PCDH15: variants seen among roughly 807,000 people sequenced by gnomAD.
The protein encoded by PCDH15 is protocadherin related 15.
In PCDH15, 129 loss-of-function variants were observed where a neutral mutation model predicts 178.5. The ratio of observed to expected loss-of-function variants is 0.72; its 90% CI spans 0.63 to 0.84. The LOEUF is 0.84. Among genes scored for constraint, PCDH15 ranks in the 40% least tolerant of loss-of-function variants. The probability of loss-of-function intolerance (pLI) is 0.00; values close to 1 mark genes in which losing one functional copy is unlikely to be tolerated. For synonymous variants in PCDH15, 800 were observed against 732.0 expected, an observed-to-expected ratio of 1.09 and a Z score of -1.50; for missense variants, 2,230 against 2,099.9, an observed-to-expected ratio of 1.06 and a Z score of -1.21.
At chr10:54,768,642 A>C (rs1173075879) in intron 1 of PCDH15, among the ~76,000 whole-genome samples, 2 of 152,158 alleles carry the variant, frequency 1.3e-5, no homozygotes, top group African/African-American at 4.8e-5. Flanking sequence ...AATAATTGGA[A>C]TCTGACTCTT....
At chr10:54,062,527 C>T (rs979285586) in intron 18 of PCDH15, among the ~76,000 whole-genome samples, 4 of 152,168 alleles carry the variant, frequency 2.6e-5, no homozygotes, top group African/African-American at 7.2e-5. Context: ...ATCCTATAAA[C>T]ATTACACTGT....
intron 13 of PCDH15, among the ~76,000 whole-genome samples, chr10:54,181,827 T>C (rs2048010152): frequency 6.6e-6 from 1 of 152,206 alleles, no homozygotes; most frequent in Non-Finnish European, 1.5e-5. Flanking sequence ...AACATTCCGG[T>C]GAATTCCCAG....
chr10:54,641,052 C>A, intron 2 of PCDH15: 1 of 262,434 alleles, frequency 3.8e-6, no homozygotes, highest in Non-Finnish European at 7.7e-6. Flanking sequence ...TGTGGTAAGC[C>A]GAGATGGTGC....
intron 2 of PCDH15, among the ~76,000 whole-genome samples, chr10:54,552,085 A>G (rs2086680109): frequency 6.6e-6 from 1 of 152,096 alleles, no homozygotes; most frequent in African/African-American, 2.4e-5. Context: ...CACACCTATA[A>G]TTATCTCTCC....
chr10:54,690,191 G>A (rs1181910914), intron 1 of PCDH15, among the ~76,000 whole-genome samples: 1 of 152,066 alleles, frequency 6.6e-6, no homozygotes, highest in East Asian at 1.9e-4. Flanking sequence ...GGTAATGCTG[G>A]TGTTAACCTA....
chr10:53,834,344 T>C (rs1004504147), intron 29 of PCDH15, among the ~76,000 whole-genome samples: 1 of 152,146 alleles, frequency 6.6e-6, no homozygotes, highest in African/African-American at 2.4e-5. Context: ...ATGGTTTCTG[T>C]AGGAGAAAAT....
In PCDH15 at chr10:54,498,850, G is replaced by A. The variant is rs957638580; in HGVS notation, c.157+28962C>T. 2.0e-5 allele frequency among the ~76,000 whole-genome samples: 3 copies of A among 152,124 alleles called. No homozygotes were observed. The South Asian group carries it at 6.2e-4, about 32-fold the overall frequency. ...CATGGTTCCACAGGCTATACAGGAA[G>A]CACGGCTGGGAGGGCCCAGGAAACT... is the stretch of plus-strand genomic sequence containing the variant. On this transcript the variant is annotated intron_variant, in intron 3 of 37. Coordinates refer to ENST00000644397, the MANE Select transcript of PCDH15 (RefSeq NM_001384140.1).
At chr10:55,084,776 A>C (rs1273000786) in intron 2 of PCDH15, among the ~76,000 whole-genome samples, 1 of 152,088 alleles carries the variant, frequency 6.6e-6, no homozygotes, top group Non-Finnish European at 1.5e-5. Flanking sequence ...ATCTGAATAG[A>C]TATTTCTCAA....
chr10:53,914,452 A>C (rs1051202884), intron 25 of PCDH15, among the ~76,000 whole-genome samples: 1 of 152,226 alleles, frequency 6.6e-6, no homozygotes, highest in African/African-American at 2.4e-5. Context: ...TGATGAGTTC[A>C]TGTCCTTTGG....
chr10:54,337,653 A>G (rs1394743194), intron 6 of PCDH15, among the ~76,000 whole-genome samples: 1 of 152,112 alleles, frequency 6.6e-6, no homozygotes, highest in Non-Finnish European at 1.5e-5. Context: ...CCATCCCTAC[A>G]CTGGCCCTTT....
chr10:53,827,359 A>C (rs1412965047), intron 32 of PCDH15, 34 bp downstream of exon 32: 1 of 1,577,508 alleles, frequency 6.3e-7, no homozygotes, highest in Admixed American at 1.8e-5. Flanking sequence ...GTAAAACCCA[A>C]CTACTTCTCA....
At chr10:54,613,920 A>G (rs1418249595) in intron 2 of PCDH15, among the ~76,000 whole-genome samples, 1 of 151,782 alleles carries the variant, frequency 6.6e-6, no homozygotes, top group Non-Finnish European at 1.5e-5. Context: ...ATGGCAGGAG[A>G]CAACGAACTC....
At chr10:53,943,039 G>A (rs1374587205) in intron 23 of PCDH15, among the ~76,000 whole-genome samples, 1 of 152,130 alleles carries the variant, frequency 6.6e-6, no homozygotes, top group Non-Finnish European at 1.5e-5. Flanking sequence ...ATTTGTGGAA[G>A]TAGACATTAC....
At chr10:54,178,467 G>C (rs1326070244) in intron 13 of PCDH15, among the ~76,000 whole-genome samples, 1 of 152,030 alleles carries the variant, frequency 6.6e-6, no homozygotes, top group Non-Finnish European at 1.5e-5. Flanking sequence ...TTGGGCAAAG[G>C]GAAGGGATTA....
intron 2 of PCDH15, among the ~76,000 whole-genome samples, chr10:55,118,285 A>G (rs1289422998): frequency 1.3e-5 from 2 of 152,228 alleles, no homozygotes; most frequent in Admixed American, 1.3e-4. Context: ...TCCTCTAGGT[A>G]GACACTGTTG....
At chr10:54,510,623 T>C (rs73258140) in intron 3 of PCDH15, among the ~76,000 whole-genome samples, 6,660 of 152,222 alleles carry the variant, frequency 0.044, 477 homozygotes, top group African/African-American at 0.15. Flanking sequence ...GAACAAAATT[T>C]CAGGTCATTG....
intron 3 of PCDH15, among the ~76,000 whole-genome samples, chr10:54,825,883 A>C (rs1476493658): frequency 1.3e-5 from 2 of 152,130 alleles, no homozygotes; most frequent in Non-Finnish European, 2.9e-5. Context: ...GCACTTAAAC[A>C]TGTAAAACAT....
chr10:55,131,306 A>C (rs1230815184), intron 2 of PCDH15, among the ~76,000 whole-genome samples: 2 of 152,144 alleles, frequency 1.3e-5, no homozygotes, highest in Non-Finnish European at 2.9e-5. Context: ...CACTGTGGGC[A>C]CTGGGAAATA....
At chr10:54,314,904 A>G (rs1405388716) in intron 8 of PCDH15, among the ~76,000 whole-genome samples, 1 of 152,156 alleles carries the variant, frequency 6.6e-6, no homozygotes, top group Non-Finnish European at 1.5e-5. Context: ...TCCATGTGGT[A>G]TATGTACATC....
Sources: allele counts gnomAD v4.1 joint callset (sites outside exome capture counted in the v4.1 genomes callset), GRCh38; gene constraint gnomAD v4.1.1; transcripts MANE v1.5; gene names NCBI Gene and HGNC (gene_info 2026-07-23, HGNC 2026-07-21).